Variants in GALNT13 observed in about 807,000 individuals in gnomAD.
GALNT13 encodes polypeptide N-acetylgalactosaminyltransferase 13.
In GALNT13, 28 loss-of-function variants were observed where a neutral mutation model predicts 64.2. That is an observed-to-expected ratio of 0.44 (90% confidence interval 0.32 to 0.60). GALNT13 has a LOEUF of 0.60. Ranked by LOEUF, GALNT13 falls within the 20% of genes least tolerant of loss-of-function variation. GALNT13 has a pLI of 0.05. For missense variants in GALNT13, 577 were observed against 669.8 expected (o/e 0.86, Z 1.53); for synonymous variants, 214 against 224.6 (o/e 0.95, Z 0.42).
chr2:153,250,527 C>G, the GALNT13 span, among the ~76,000 whole-genome samples: 3 of 152,172 alleles, frequency 2.0e-5, no homozygotes, highest in Non-Finnish European at 4.4e-5. Context: ...AGTTCTGTTA[C>G]TGGGTATATA....
chr2:153,565,675 T>C, the GALNT13 span, among the ~76,000 whole-genome samples: 1 of 152,204 alleles, frequency 6.6e-6, no homozygotes, highest in Non-Finnish European at 1.5e-5. Context: ...ACCTGCTGTT[T>C]ATAATTTCCC....
At chr2:153,931,042 G>C (rs182887139) in intron 2 of GALNT13, among the ~76,000 whole-genome samples, 98 of 146,200 alleles carry the variant, frequency 6.7e-4, no homozygotes, top group African/African-American at 2.5e-3. Flanking sequence ...CATTGTCCTG[G>C]GTAGCTGTAT....
At chr2:154,119,963 T>C (rs1464101058) in intron 3 of GALNT13, among the ~76,000 whole-genome samples, 1 of 152,242 alleles carries the variant, frequency 6.6e-6, no homozygotes, top group Non-Finnish European at 1.5e-5. Context: ...AGCTTTATTG[T>C]ACATTTGGAG....
At chr2:154,261,232 A>C (rs540058352) in intron 8 of GALNT13, among the ~76,000 whole-genome samples, 1 of 152,180 alleles carries the variant, frequency 6.6e-6, no homozygotes, top group East Asian at 1.9e-4. Flanking sequence ...ATGACACAGG[A>C]GGTTTTCTGT....
chr2:153,248,793 G>T, the GALNT13 span, among the ~76,000 whole-genome samples: 1 of 140,056 alleles, frequency 7.1e-6, no homozygotes, highest in Non-Finnish European at 1.5e-5. Flanking sequence ...TCCAGCCTGG[G>T]CGACTGAGCG....
the GALNT13 span, among the ~76,000 whole-genome samples, chr2:153,313,107 A>G: frequency 6.6e-6 from 1 of 152,214 alleles, no homozygotes; most frequent in Non-Finnish European, 1.5e-5. Flanking sequence ...AAATTAGTGC[A>G]TCCACTGTGG....
At chr2:154,344,638 A>G (rs1265559276) in intron 9 of GALNT13, among the ~76,000 whole-genome samples, 1 of 151,986 alleles carries the variant, frequency 6.6e-6, no homozygotes, top group African/African-American at 2.4e-5. Flanking sequence ...GTGGAGAAAC[A>G]AGACCTAGGT....
chr2:153,390,177 T>C, the GALNT13 span, among the ~76,000 whole-genome samples: 2 of 152,220 alleles, frequency 1.3e-5, no homozygotes, highest in East Asian at 3.9e-4. Flanking sequence ...TGGATGAAGC[T>C]GGAAACCATC....
intron 3 of GALNT13, among the ~76,000 whole-genome samples, chr2:154,058,227 A>G (rs1326573786): frequency 6.6e-6 from 1 of 152,168 alleles, no homozygotes; most frequent in Non-Finnish European, 1.5e-5. Flanking sequence ...TCTGTAAGTC[A>G]GAAAGAGAGC....
chr2:153,342,659 T>A, the GALNT13 span, among the ~76,000 whole-genome samples: 1 of 152,188 alleles, frequency 6.6e-6, no homozygotes, highest in East Asian at 1.9e-4. Context: ...GGAGTTGAAA[T>A]TAAAGTTTCC....
intron 4 of GALNT13, among the ~76,000 whole-genome samples, chr2:154,204,640 A>G (rs1206240081): frequency 6.6e-6 from 1 of 152,192 alleles, no homozygotes; most frequent in Non-Finnish European, 1.5e-5. Flanking sequence ...CTCCAAATCC[A>G]TAAGATAAAG....
chr2:153,326,101 T>C, the GALNT13 span, among the ~76,000 whole-genome samples: 3 of 151,914 alleles, frequency 2.0e-5, no homozygotes, highest in Non-Finnish European at 4.4e-5. Context: ...ACTATTATTG[T>C]GTGGGAGTCT....
chr2:153,262,382 G>C, the GALNT13 span, among the ~76,000 whole-genome samples: 23 of 152,256 alleles, frequency 1.5e-4, no homozygotes, highest in South Asian at 4.1e-4. Flanking sequence ...AGAGGAGGTG[G>C]TACCATTTCT....
At chr2:153,825,789 C>A in the GALNT13 span, among the ~76,000 whole-genome samples, 7 of 152,080 alleles carry the variant, frequency 4.6e-5, no homozygotes, top group Non-Finnish European at 7.4e-5. Flanking sequence ...CTTTGCTCCT[C>A]CAGTGGGATA....
intron 3 of GALNT13, among the ~76,000 whole-genome samples, chr2:154,082,020 A>G (rs921327712): frequency 3.3e-5 from 5 of 151,714 alleles, no homozygotes; most frequent in Non-Finnish European, 5.9e-5. Flanking sequence ...CTAGAAACCA[A>G]TTTATTATTC....
chr2:154,359,396 AT>A (rs748736389), intron 9 of GALNT13, among the ~76,000 whole-genome samples: 30 of 152,248 alleles, frequency 2.0e-4, no homozygotes, highest in East Asian at 1.2e-3. Flanking sequence ...CAGAGACCAG[AT>A]CAGCTCTGGA....
the GALNT13 span, among the ~76,000 whole-genome samples, chr2:153,124,749 A>G: frequency 6.6e-6 from 1 of 151,928 alleles, no homozygotes; most frequent in East Asian, 1.9e-4. Context: ...TGATCTGCCC[A>G]CCTCGGCCTC....
At chr2:154,347,110 A>T (rs1317075369) in intron 9 of GALNT13, among the ~76,000 whole-genome samples, 1 of 152,148 alleles carries the variant, frequency 6.6e-6, no homozygotes, top group Non-Finnish European at 1.5e-5. Context: ...GGGCCTCACC[A>T]CCAGCAATAA....
the GALNT13 span, among the ~76,000 whole-genome samples, chr2:153,385,798 T>A: frequency 2.0e-5 from 3 of 152,030 alleles, no homozygotes; most frequent in African/African-American, 7.2e-5. Context: ...ATTGCATGCC[T>A]GTATTAAAGT....
Sources: gnomAD v4.1 joint callset for allele counts (sites outside exome capture counted in the v4.1 genomes callset) on GRCh38, gnomAD v4.1.1 for gene constraint, MANE v1.5 for transcripts, NCBI Gene and HGNC (gene_info 2026-07-23, HGNC 2026-07-21) for gene names.